THSD7B: variants seen among roughly 807,000 people sequenced by gnomAD.
The protein encoded by THSD7B is thrombospondin type-1 domain-containing protein 7B.
THSD7B carries 138 observed loss-of-function variants against 213.6 expected under a neutral mutation model. The observed-to-expected ratio is 0.65, with a 90% CI of 0.56 to 0.74. The LOEUF (loss-of-function observed/expected upper bound fraction) is 0.74, where lower values mean the gene tolerates loss of function less well. THSD7B is among the 30% of genes least tolerant of loss of function. THSD7B has a pLI of 0.00. For missense variants in THSD7B, 1,931 were observed against 1,991.5 expected (o/e 0.97, Z 0.58); for synonymous variants, 742 against 687.0 (o/e 1.08, Z -1.25).
chr2:137,099,986 A>T (rs1688119514), intron 4 of THSD7B, among the ~76,000 whole-genome samples: 1 of 152,078 alleles, frequency 6.6e-6, no homozygotes, highest in Non-Finnish European at 1.5e-5. Flanking sequence ...TTATGCTGAG[A>T]GATCTATCTG....
intron 20 of THSD7B, among the ~76,000 whole-genome samples, chr2:137,626,935 C>G (rs1178434883): frequency 6.6e-6 from 1 of 152,170 alleles, no homozygotes; most frequent in Non-Finnish European, 1.5e-5. Flanking sequence ...TTTTGAATTG[C>G]TATAACAGAA....
intron 5 of THSD7B, among the ~76,000 whole-genome samples, chr2:137,119,461 C>T (rs1688506674): frequency 6.6e-6 from 1 of 152,102 alleles, no homozygotes; most frequent in Non-Finnish European, 1.5e-5. Flanking sequence ...TTTATTGATG[C>T]CCAAGAGTAA....
chr2:137,566,630 G>A (rs1222626346), intron 16 of THSD7B, among the ~76,000 whole-genome samples: 1 of 152,056 alleles, frequency 6.6e-6, no homozygotes, highest in African/African-American at 2.4e-5. Flanking sequence ...TAGTTCATCT[G>A]GGCATGCCCA....
intron 13 of THSD7B, 82 bp from the exon 14 acceptor site, chr2:137,411,527 G>T (rs72847178): frequency 2.3e-6 from 3 of 1,311,802 alleles, no homozygotes; most frequent in Non-Finnish European, 3.2e-6. Flanking sequence ...TATTCTAAAA[G>T]ATTACAAATA....
intron 7 of THSD7B, among the ~76,000 whole-genome samples, chr2:137,226,840 A>G (rs575652601): frequency 6.8e-6 from 1 of 146,950 alleles, no homozygotes; most frequent in Non-Finnish European, 1.6e-5. Context: ...AACAGCCCAA[A>G]TGTCTATCGA....
Position 137,405,198 on chromosome 2 carries a change from C to CAAAAA in THSD7B, c.2501-403_2501-399dup, listed in dbSNP as rs34776165. Among the ~76,000 whole-genome samples, 40 of 140,304 alleles carry CAAAAA rather than the reference C, an allele frequency of 2.9e-4. 1 individual carries two copies. Among genetic ancestry groups the CAAAAA allele is most frequent in the African/African-American group, 7.2e-4 (27 of 37,642 alleles). The allele number at this position is 140,304 out of a possible 152,430, so 92.0% of individuals were successfully genotyped here. A position where few individuals can be genotyped will look rare whatever the true frequency, so the allele number is the denominator to read the frequency against. ...CTTCTGTAAGTGCCATCTAAACAAG[C>CAAAAA]AAAAAAAAAAAAAAAATGACATCTA... On this transcript the variant is annotated intron_variant, in intron 12 of 27. Transcript: ENST00000409968.
Position 136,949,976 on chromosome 2 carries a change from C to T in THSD7B, c.139+67659C>T, listed in dbSNP as rs148622914. Among the ~76,000 whole-genome samples the T allele has an allele frequency of 6.7e-3, 1,019 of 152,160 alleles. 10 individuals are homozygous for T. Among genetic ancestry groups the T allele is most frequent in the African/African-American group, 0.023 (971 of 41,528 alleles). On this transcript the variant is annotated intron_variant, in intron 2 of 27. Transcript: ENST00000409968. ...GATAGACTGGATAAAGAAAATGTGGCGGCCGGGCGCAACACGCCTGTAATC... is the reference window on the plus strand; with the variant it reads ...GATAGACTGGATAAAGAAAATGTGGTGGCCGGGCGCAACACGCCTGTAATC...
chr2:137,420,604 A>G lies in THSD7B; in HGVS notation c.2959+8732A>G, dbSNP rs535191100. Among the ~76,000 whole-genome samples the G allele has an allele frequency of 5.3e-5, 8 of 152,330 alleles. No individual in the cohort carries two copies. The East Asian group carries it at 1.4e-3, about 26-fold the overall frequency. On this transcript the variant is annotated intron_variant, in intron 14 of 27. Coordinates refer to ENST00000409968, the MANE Select transcript of THSD7B (RefSeq NM_001316349.2). ...CTGTGTGCCCCCTGAGAGATGGACC[A>G]TGAACACTTCATCACTCTATCATCA...
chr2:137,436,442 C>A (rs1249008028), intron 14 of THSD7B, among the ~76,000 whole-genome samples: 1 of 152,124 alleles, frequency 6.6e-6, no homozygotes, highest in Non-Finnish European at 1.5e-5. Context: ...GTCATACACA[C>A]AATTTGATTC....
intron 15 of THSD7B, among the ~76,000 whole-genome samples, chr2:137,528,793 G>A (rs148992134): frequency 0.01 from 1,595 of 152,138 alleles, 13 homozygotes; most frequent in Middle Eastern, 0.014. Context: ...TATTTACTGC[G>A]TTAGCCTCAG....
intron 8 of THSD7B, 99 bp downstream of exon 8, chr2:137,231,334 C>T: frequency 3.5e-6 from 4 of 1,127,784 alleles, no homozygotes; most frequent in Non-Finnish European, 5.0e-6. Context: ...GAAATAGTCA[C>T]ACATAGACGA....
At chr2:137,654,467 G>A (rs1460149790) in intron 21 of THSD7B, among the ~76,000 whole-genome samples, 3 of 152,190 alleles carry the variant, frequency 2.0e-5, no homozygotes, top group African/African-American at 4.8e-5. Flanking sequence ...CCGGTGGGTT[G>A]AGGCAGGGAC....
chr2:137,419,895 A>G (rs943067592), intron 14 of THSD7B, among the ~76,000 whole-genome samples: 1 of 152,096 alleles, frequency 6.6e-6, no homozygotes, highest in Non-Finnish European at 1.5e-5. Context: ...TATTTTGGCT[A>G]TTGAAAATAG....
chr2:137,319,138 C>T (rs557469715), intron 12 of THSD7B, among the ~76,000 whole-genome samples: 14 of 151,498 alleles, frequency 9.2e-5, no homozygotes, highest in East Asian at 7.7e-4. Flanking sequence ...TGCAACTCCA[C>T]GAAGAAACAC....
At chr2:137,272,487 T>A in intron 10 of THSD7B, 46 bp from the exon 11 acceptor site, 1 of 1,546,024 alleles carries the variant, frequency 6.5e-7, no homozygotes, top group Non-Finnish European at 8.7e-7. Flanking sequence ...TTGATCTGCA[T>A]CAACATAAAA....
chr2:137,449,821 C>T (rs887706787), intron 14 of THSD7B, among the ~76,000 whole-genome samples: 3 of 152,176 alleles, frequency 2.0e-5, no homozygotes, highest in African/African-American at 7.2e-5. Flanking sequence ...ATATCTCAAA[C>T]TGATTAACTG....
At chr2:137,482,476 C>T (rs4954516) in intron 15 of THSD7B, among the ~76,000 whole-genome samples, 103,581 of 152,050 alleles carry the variant, frequency 0.68, 37,181 homozygotes, top group Non-Finnish European at 0.8. Context: ...ATGAATGTGG[C>T]ATAGCATATT....
intron 14 of THSD7B, among the ~76,000 whole-genome samples, chr2:137,430,283 T>C (rs778774612): frequency 8.5e-5 from 13 of 152,114 alleles, no homozygotes; most frequent in South Asian, 8.3e-4. Context: ...ATTACTTAAG[T>C]GAATATCAAT....
At chr2:137,641,846 G>A (rs1425479289) in intron 20 of THSD7B, among the ~76,000 whole-genome samples, 2 of 151,948 alleles carry the variant, frequency 1.3e-5, no homozygotes, top group African/African-American at 4.8e-5. Context: ...TCTTGTGCTC[G>A]GTGAAGAAAG....
Sources: gnomAD v4.1 joint callset for allele counts (sites outside exome capture counted in the v4.1 genomes callset) on GRCh38, gnomAD v4.1.1 for gene constraint, MANE v1.5 for transcripts, NCBI Gene and HGNC (gene_info 2026-07-23, HGNC 2026-07-21) for gene names.